FIGNL2: variants seen among roughly 807,000 people sequenced by gnomAD.
FIGNL2 encodes fidgetin like 2.
For synonymous variants in FIGNL2, 565 were observed against 484.0 expected, an observed-to-expected ratio of 1.17 and a Z score of -2.20; for missense variants, 1,060 against 950.2, an observed-to-expected ratio of 1.12 and a Z score of -1.52.
Position 51,821,706 on chromosome 12 carries a change from G to C in FIGNL2, c.708C>G (p.Pro236=). 7.4e-7 allele frequency: 1 copy of C among 1,344,438 alleles called. No individual in the cohort carries two copies. Among genetic ancestry groups the C allele is most frequent in the Non-Finnish European group, 9.5e-7 (1 of 1,055,518 alleles). 83.3% of individuals were successfully genotyped at this position (1,344,438 alleles called of 1,614,324 possible). Residue 236 remains proline, a synonymous_variant, in exon 2 of 2, where the codon CCC becomes CCG. Transcript: ENST00000618634. ...CCGGCGCGGGCAGGGGCGTGGGCGC[G>C]GGCAGGCCCGGGGTCAGGTAGGGGG... ...PPAPYLTPGL[P]APTPLPAPAP... is the part of the protein sequence containing the mutation.
intron 1 of FIGNL2, 96 bp from the exon 2 acceptor site, chr12:51,822,520 G>C: frequency 7.0e-7 from 1 of 1,437,322 alleles, no homozygotes; most frequent in Non-Finnish European, 9.5e-7. Flanking sequence ...ACTGCGGCTT[G>C]GACAGGCTGG....
At chr12:51,831,735 C>T (rs1161667541) in intron 1 of FIGNL2, 1 of 154,420 alleles carries the variant, frequency 6.5e-6, no homozygotes, top group Non-Finnish European at 1.5e-5. Flanking sequence ...GACACTGTTC[C>T]CTCGGTTCCC....
intron 1 of FIGNL2, among the ~76,000 whole-genome samples, chr12:51,825,053 CAA>C (rs1216213086): frequency 2.7e-5 from 4 of 150,726 alleles, no homozygotes; most frequent in Non-Finnish European, 4.4e-5. Flanking sequence ...TCAAAACAAA[CAA>C]ACAAACAAAA....
chr12:51,824,810 G>A (rs1306261990), intron 1 of FIGNL2, among the ~76,000 whole-genome samples: 2 of 152,206 alleles, frequency 1.3e-5, no homozygotes, highest in African/African-American at 4.8e-5. Context: ...TTAGGAGGCC[G>A]AGGCTGGTGG....
chr12:51,820,276 C>G lies in FIGNL2; in HGVS notation c.*176G>C. ...CACGGCGCATATGGCATCTGCCTGGCAGAAGCATTTTCCTTCCCACGAAAA... is the reference window on the plus strand; with the variant it reads ...CACGGCGCATATGGCATCTGCCTGGGAGAAGCATTTTCCTTCCCACGAAAA... On this transcript the variant is annotated 3_prime_UTR_variant, in exon 2 of 2. Coordinates refer to ENST00000618634, the MANE Select transcript of FIGNL2 (RefSeq NM_001384995.1). 1 of 829,084 alleles carries G rather than the reference C, an allele frequency of 1.2e-6. No homozygotes were observed. The highest frequency in any genetic ancestry group is 1.8e-6 in the Non-Finnish European group (1 of 554,002). 51.4% of individuals were successfully genotyped at this position (829,084 alleles called of 1,614,324 possible). A position where few individuals can be genotyped will look rare whatever the true frequency, so the allele number is the denominator to read the frequency against.
chr12:51,843,734 G>T (rs1194192648), intron 1 of FIGNL2, among the ~76,000 whole-genome samples: 1 of 151,966 alleles, frequency 6.6e-6, no homozygotes, highest in Non-Finnish European at 1.5e-5. Flanking sequence ...CCATCTACCT[G>T]CCCACCCCCT....
intron 1 of FIGNL2, among the ~76,000 whole-genome samples, chr12:51,833,816 C>T (rs550105460): frequency 2.0e-5 from 3 of 152,316 alleles, no homozygotes; most frequent in African/African-American, 7.2e-5. Flanking sequence ...CTATTTGTTG[C>T]TTTATTGTCT....
intron 1 of FIGNL2, among the ~76,000 whole-genome samples, chr12:51,830,150 G>A (rs1480648752): frequency 2.0e-5 from 3 of 151,898 alleles, no homozygotes; most frequent in Admixed American, 2.0e-4. Flanking sequence ...TTAGCCGGGT[G>A]TAGTGGCGGG....
At chr12:51,844,012 G>A (rs1454158403) in intron 1 of FIGNL2, among the ~76,000 whole-genome samples, 8 of 151,982 alleles carry the variant, frequency 5.3e-5, no homozygotes, top group South Asian at 2.1e-4. Context: ...CTAGAAGGTC[G>A]TTCTCTGGAG....
chr12:51,847,795 G>A, intron 1 of FIGNL2: 3 of 985,434 alleles, frequency 3.0e-6, no homozygotes, highest in Non-Finnish European at 3.6e-6. Flanking sequence ...GAATCTCTGT[G>A]TAGAACAGGA....
chr12:51,845,374 C>A, intron 1 of FIGNL2: 1 of 734,936 alleles, frequency 1.4e-6, no homozygotes, highest in South Asian at 6.2e-5. Context: ...CCTCACCAGA[C>A]AGCCAGCTCC....
intron 1 of FIGNL2, among the ~76,000 whole-genome samples, chr12:51,845,074 A>G (rs546096886): frequency 1.3e-5 from 2 of 152,254 alleles, no homozygotes; most frequent in Non-Finnish European, 2.9e-5. Flanking sequence ...GTCTGGTGTC[A>G]ATTAACGGAA....
rs1209775251 is a variant in FIGNL2 at position 51,821,042 on chromosome 12, C to T, written c.1372G>A (p.Gly458Ser). 2.5e-6 allele frequency: 3 copies of T among 1,192,468 alleles called. No homozygotes were observed. Among genetic ancestry groups the T allele is most frequent in the Non-Finnish European group, 3.1e-6 (3 of 964,630 alleles). The allele number at this position is 1,192,468 out of a possible 1,614,324, so 73.9% of individuals were successfully genotyped here. Reference sequence around the variant, plus strand: ...GCGCCGGGCGCAGCCAGGGTCGCGCCGCGCAGGCGCAACAGCGTGGCGCCC... The same window carrying T: ...GCGCCGGGCGCAGCCAGGGTCGCGCTGCGCAGGCGCAACAGCGTGGCGCCC... Reference protein sequence around the residue: ...QLGATLLRLRGATLAAPGAAE... With the variant: ...QLGATLLRLRSATLAAPGAAE... Residue 458 changes from glycine to serine, a missense_variant, in exon 2 of 2, where the codon GGC becomes AGC. Transcript: ENST00000618634.
intron 1 of FIGNL2, among the ~76,000 whole-genome samples, chr12:51,846,762 G>T (rs749668638): frequency 6.6e-6 from 1 of 152,104 alleles, no homozygotes; most frequent in Non-Finnish European, 1.5e-5. Context: ...CGAGGAATGC[G>T]GGTCCTCTAG....
intron 1 of FIGNL2, among the ~76,000 whole-genome samples, chr12:51,831,167 T>C (rs117749834): frequency 6.6e-6 from 1 of 151,690 alleles, no homozygotes; most frequent in East Asian, 1.9e-4. Flanking sequence ...CAGGAATAAA[T>C]ACAGTTGATA....
At chr12:51,834,083 AGACAGACGGATGGGTG>A (rs1939531485) in intron 1 of FIGNL2, among the ~76,000 whole-genome samples, 5 of 3,870 alleles carry the variant, frequency 1.3e-3, no homozygotes, top group Non-Finnish European at 0.012. Flanking sequence ...ATGAATAGAC[AGACAGACGGATGGGTG>A]GATGGATGGT....
In FIGNL2 at chr12:51,821,127, C is replaced by T. The variant is rs1230383924; in HGVS notation, c.1287G>A (p.Leu429=). 4.1e-6 allele frequency: 6 copies of T among 1,448,348 alleles called. No homozygotes were observed. Among genetic ancestry groups the T allele is most frequent in the South Asian group, 2.8e-5 (2 of 72,198 alleles). 89.7% of individuals were successfully genotyped at this position (1,448,348 alleles called of 1,614,324 possible). A position where few individuals can be genotyped will look rare whatever the true frequency, so the allele number is the denominator to read the frequency against. The part of the protein sequence containing the change: ...PGSLRPPRTV[L]LFGPRGAGKA... Reference sequence around the variant, plus strand: ...TGCCCGCGCCCCGCGGCCCAAAGAGCAGGACGGTCCGCGGCGGGCGCAGGC... The same window carrying T: ...TGCCCGCGCCCCGCGGCCCAAAGAGTAGGACGGTCCGCGGCGGGCGCAGGC... The change falls in exon 2 of 2, where the codon CTG becomes CTA. Residue 429 remains leucine, a synonymous_variant. Coordinates refer to ENST00000618634, the MANE Select transcript of FIGNL2 (RefSeq NM_001384995.1).
At chr12:51,844,923 TGG>T in intron 1 of FIGNL2, 6 of 974,202 alleles carry the variant, frequency 6.2e-6, no homozygotes, top group Non-Finnish European at 7.3e-6. Flanking sequence ...GAGCACTGAG[TGG>T]GGAGGTCAGG....
intron 1 of FIGNL2, 191 bp downstream of exon 1, chr12:51,848,349 C>T: frequency 1.0e-6 from 1 of 983,404 alleles, no homozygotes; most frequent in Non-Finnish European, 1.2e-6. Flanking sequence ...AGAAGTGACC[C>T]TCGGCTCCCA....
Sources: gnomAD v4.1 joint callset for allele counts (sites outside exome capture counted in the v4.1 genomes callset) on GRCh38, gnomAD v4.1.1 for gene constraint, MANE v1.5 for transcripts, NCBI Gene and HGNC (gene_info 2026-07-23, HGNC 2026-07-21) for gene names.